MAF: variants seen among roughly 807,000 people sequenced by gnomAD.
MAF encodes the protein transcription factor Maf.
MAF carries 10 observed loss-of-function variants against 22.0 expected under a neutral mutation model. The observed-to-expected ratio is 0.45, with a 90% CI of 0.28 to 0.77. The LOEUF is 0.77. Among genes scored for constraint, MAF ranks in the 30% least tolerant of loss-of-function variants. The probability of loss-of-function intolerance (pLI) is 0.12; values close to 1 mark genes in which losing one functional copy is unlikely to be tolerated. For synonymous variants in MAF, 337 were observed against 255.8 expected (o/e 1.32, Z -3.03); for missense variants, 544 against 548.4 (o/e 0.99, Z 0.08).
chr16:79,238,534 C>A, the MAF span, among the ~76,000 whole-genome samples: 2 of 151,998 alleles, frequency 1.3e-5, no homozygotes, highest in African/African-American at 2.4e-5. Context: ...TGTTGCCAGA[C>A]TGTTTTCACT....
chr16:79,475,430 A>G, the MAF span, among the ~76,000 whole-genome samples: 1 of 151,800 alleles, frequency 6.6e-6, no homozygotes, highest in Non-Finnish European at 1.5e-5. Flanking sequence ...GTCTATGTCC[A>G]GGATCTTAAA....
At chr16:79,204,666 A>C in the MAF span, 18,766 of 152,236 alleles carry the variant, frequency 0.12, 1,213 homozygotes, top group Middle Eastern at 0.2. Flanking sequence ...AGAGCGTACC[A>C]AGGTCACCCT....
the MAF span, among the ~76,000 whole-genome samples, chr16:79,230,770 T>G: frequency 5.3e-5 from 8 of 152,218 alleles, no homozygotes; most frequent in East Asian, 1.5e-3. Flanking sequence ...TATTCCAAAT[T>G]TCCTGAACAA....
chr16:79,449,480 G>C, the MAF span, among the ~76,000 whole-genome samples: 1 of 152,176 alleles, frequency 6.6e-6, no homozygotes. Flanking sequence ...TCTCTCCTCA[G>C]CTTTCTGAGT....
rs1567562175 is a variant in MAF at position 79,594,428 on chromosome 16, A to G, written c.*32T>C. ...ACTGCAAATAATAATAATAATGATG[A>G]TTTTTTTTAATGTACAGCTCTCACA... On this transcript the variant is annotated 3_prime_UTR_variant, in exon 2 of 2. Transcript: ENST00000326043. 3.1e-6 allele frequency: 4 copies of G among 1,298,742 alleles called. No individual in the cohort carries two copies. In the Admixed American group the frequency reaches 8.5e-5, roughly 28 times the overall value. 80.5% of individuals were successfully genotyped at this position (1,298,742 alleles called of 1,614,324 possible).
downstream of MAF, among the ~76,000 whole-genome samples, chr16:79,582,356 T>C (rs966728795): frequency 1.3e-5 from 2 of 152,146 alleles, no homozygotes; most frequent in African/African-American, 4.8e-5. Context: ...CATCATTTTG[T>C]TTTAAGTAAG....
At chr16:79,364,950 T>C in the MAF span, among the ~76,000 whole-genome samples, 2 of 152,300 alleles carry the variant, frequency 1.3e-5, no homozygotes, top group Non-Finnish European at 2.9e-5. Context: ...CACACACAAG[T>C]GGTTCAGGGC....
the MAF span, among the ~76,000 whole-genome samples, chr16:79,547,897 T>TGAGAGAGAGAGA: frequency 4.6e-5 from 2 of 43,282 alleles, no homozygotes; most frequent in Admixed American, 2.2e-4. Flanking sequence ...TGTGTGTGTG[T>TGAGAGAGAGAGA]GTGTGAGAGA....
At chr16:79,572,820 A>G in the MAF span, among the ~76,000 whole-genome samples, 1 of 152,214 alleles carries the variant, frequency 6.6e-6, no homozygotes, top group African/African-American at 2.4e-5. Flanking sequence ...AGCTATATCC[A>G]AAGTGCTGTA....
chr16:79,302,054 G>A, the MAF span, among the ~76,000 whole-genome samples: 5 of 152,248 alleles, frequency 3.3e-5, no homozygotes, highest in African/African-American at 4.8e-5. Flanking sequence ...GGACTTCCGC[G>A]GAGGGCCTGA....
the MAF span, among the ~76,000 whole-genome samples, chr16:79,253,883 A>G: frequency 2.7e-5 from 4 of 150,356 alleles, no homozygotes; most frequent in African/African-American, 4.9e-5. Context: ...TTCCTTCCTT[A>G]TTTTCTCCTC....
the MAF span, among the ~76,000 whole-genome samples, chr16:79,429,219 G>A: frequency 2.0e-5 from 3 of 152,130 alleles, no homozygotes; most frequent in Non-Finnish European, 4.4e-5. Flanking sequence ...CGCTAGACTG[G>A]CCTATCTCTG....
the MAF span, among the ~76,000 whole-genome samples, chr16:79,580,006 T>G: frequency 2.0e-5 from 3 of 152,048 alleles, no homozygotes; most frequent in Non-Finnish European, 4.4e-5. Context: ...ATATTACCCC[T>G]CTCAAACAAA....
chr16:79,355,428 G>A, the MAF span, among the ~76,000 whole-genome samples: 17 of 152,318 alleles, frequency 1.1e-4, no homozygotes, highest in African/African-American at 4.1e-4. Flanking sequence ...CAGTTAAAGA[G>A]AAGTGGCTCT....
the MAF span, among the ~76,000 whole-genome samples, chr16:79,435,121 T>G: frequency 6.6e-6 from 1 of 152,182 alleles, no homozygotes; most frequent in Admixed American, 6.5e-5. Flanking sequence ...AAGTCTGTCA[T>G]GCAAGGGCTC....
At chr16:79,407,992 C>A in the MAF span, among the ~76,000 whole-genome samples, 2 of 148,516 alleles carry the variant, frequency 1.3e-5, no homozygotes, top group East Asian at 2.0e-4. Flanking sequence ...AGAGGGAGAT[C>A]GACCCTCATG....
At chr16:79,502,204 C>T in the MAF span, among the ~76,000 whole-genome samples, 1 of 152,276 alleles carries the variant, frequency 6.6e-6, no homozygotes, top group South Asian at 2.1e-4. Context: ...GCTCCTGAGG[C>T]CCGGCTACTT....
chr16:79,273,289 G>C, the MAF span, among the ~76,000 whole-genome samples: 1 of 152,156 alleles, frequency 6.6e-6, no homozygotes, highest in Non-Finnish European at 1.5e-5. Context: ...TCTGGGCTCA[G>C]ACAGTGCAGG....
chr16:79,274,252 G>A, the MAF span, among the ~76,000 whole-genome samples: 1 of 32,574 alleles, frequency 3.1e-5, no homozygotes, highest in Non-Finnish European at 6.7e-5. Flanking sequence ...ACTTTGCCCA[G>A]CCTTTTTTTT....
Sources: gnomAD v4.1 joint callset for allele counts (sites outside exome capture counted in the v4.1 genomes callset) on GRCh38, gnomAD v4.1.1 for gene constraint, MANE v1.5 for transcripts, NCBI Gene and HGNC (gene_info 2026-07-23, HGNC 2026-07-21) for gene names.